Variants in DSN1 observed in about 807,000 individuals in gnomAD.
The protein encoded by DSN1 is DSN1 component of MIS12 kinetochore complex, also known as kinetochore-associated protein DSN1 homolog.
A neutral mutation model predicts 45.7 loss-of-function variants in DSN1; 31 were observed. The observed-to-expected ratio is 0.68, with a 90% confidence interval of 0.51 to 0.92. The LOEUF (loss-of-function observed/expected upper bound fraction) is 0.92. Ranked by LOEUF, DSN1 falls within the 40% of genes least tolerant of loss-of-function variation. The pLI, the probability that DSN1 is intolerant of heterozygous loss-of-function variation, is 0.00. For synonymous variants in DSN1, 134 were observed against 142.3 expected (o/e 0.94, Z 0.41); for missense variants, 394 against 414.2 (o/e 0.95, Z 0.42).
At position 36,758,543 on chromosome 20, in the gene DSN1, C is replaced by A. The variant is rs1986796435; in HGVS notation, c.650+15G>T. 6.3e-7 allele frequency: 1 copy of A among 1,590,080 alleles called. No homozygotes were observed. The highest frequency in any genetic ancestry group is 1.9e-5 in the Admixed American group (1 of 53,802). On this transcript the variant is annotated intron_variant, in intron 7 of 10. Transcript: ENST00000373750. ...GGGAGAACGAATTTAGATTTTCTAA[C>A]AAAGGTTAACTTACTTTGTTATGTA...
In DSN1 at chr20:36,766,804, G is replaced by A; in HGVS notation, c.467C>T (p.Thr156Ile). The A allele has an allele frequency of 6.2e-7, 1 of 1,609,850 alleles. No individual in the cohort carries two copies. Among genetic ancestry groups the A allele is most frequent in the Non-Finnish European group, 8.5e-7 (1 of 1,179,100 alleles). Reference sequence around the variant, plus strand: ...AAAACTTTCAAGACTGAAGCCCTTAGTGTCCCTTAGGAAAGGTTCAAGTTT... The same window carrying A: ...AAAACTTTCAAGACTGAAGCCCTTAATGTCCCTTAGGAAAGGTTCAAGTTT... ...IQKLEPFLRD[T>I]KGFSLESFRA... Residue 156 changes from threonine (T) to isoleucine (I), a missense_variant, in exon 5 of 11, where the codon ACT (threonine) becomes ATT (isoleucine). Transcript: ENST00000373750.
intron 6 of DSN1, among the ~76,000 whole-genome samples, chr20:36,760,355 C>T (rs1044648789): frequency 2.6e-5 from 4 of 152,194 alleles, no homozygotes; most frequent in Non-Finnish European, 4.4e-5. Flanking sequence ...GTTCTGGTAC[C>T]GTCCAGCTTA....
chr20:36,770,086 A>T (rs1987564950), intron 3 of DSN1, among the ~76,000 whole-genome samples: 1 of 151,920 alleles, frequency 6.6e-6, no homozygotes, highest in Non-Finnish European at 1.5e-5. Context: ...TTTTTTAGAG[A>T]CAGGGGTCTT....
intron 1 of DSN1, 76 bp from the exon 2 acceptor site, chr20:36,771,549 T>A: frequency 7.2e-7 from 1 of 1,392,690 alleles, no homozygotes; most frequent in African/African-American, 1.4e-5. Context: ...AGCCCCAGAA[T>A]AAATAGGCCG....
chr20:36,754,735 C>A, intron 10 of DSN1, 28 bp downstream of exon 10: 1 of 1,602,466 alleles, frequency 6.2e-7, no homozygotes, highest in Non-Finnish European at 8.5e-7. Context: ...ACAGCCTGAA[C>A]TCTGGTCCCC....
At chr20:36,759,108 G>A (rs768620925) in intron 6 of DSN1, among the ~76,000 whole-genome samples, 1 of 152,112 alleles carries the variant, frequency 6.6e-6, no homozygotes. Flanking sequence ...TCAGCCTCCA[G>A]AGTAGCCGGG....
intron 9 of DSN1, among the ~76,000 whole-genome samples, chr20:36,755,448 A>C (rs539607954): frequency 6.6e-6 from 1 of 152,206 alleles, no homozygotes; most frequent in East Asian, 1.9e-4. Context: ...TATATAAAAT[A>C]GCAACCCACC....
At chr20:36,759,423 A>G (rs571276844) in intron 6 of DSN1, among the ~76,000 whole-genome samples, 3 of 152,270 alleles carry the variant, frequency 2.0e-5, no homozygotes, top group East Asian at 1.9e-4. Context: ...AATCCCTTAC[A>G]TAATTTTTGT....
In DSN1 at chr20:36,762,496, A is replaced by G; in HGVS notation, c.555T>C (p.Asp185=). Residue 185 remains aspartate, a synonymous_variant, in exon 6 of 11, where the codon GAT becomes GAC. Coordinates refer to ENST00000373750, the MANE Select transcript of DSN1 (RefSeq NM_001145315.2). ...CTTCAAAACATTTTTGTAGAGTTCCATCAGTTTCCAGTCCGTCTGCAAAAT... is the reference window on the plus strand; with the variant it reads ...CTTCAAAACATTTTTGTAGAGTTCCGTCAGTTTCCAGTCCGTCTGCAAAAT... ...LKHFADGLET[D]GTLQKCFEDS... The G allele has an allele frequency of 6.2e-7, 1 of 1,613,936 alleles. No individual in the cohort carries two copies. The highest frequency in any genetic ancestry group is 8.5e-7 in the Non-Finnish European group (1 of 1,179,906).
chr20:36,760,675 G>A (rs1407434760), intron 6 of DSN1, among the ~76,000 whole-genome samples: 1 of 152,100 alleles, frequency 6.6e-6, no homozygotes, highest in African/African-American at 2.4e-5. Flanking sequence ...ATCACCTGAG[G>A]TTAGGAGTTC....
rs1443103395 is a variant in DSN1 at position 36,768,019 on chromosome 20, C to T, written c.379G>A (p.Asp127Asn). ...CCAAGCCGTTTGCTTTCTGCTAAAT[C>T]GACACTGATAGACCGGCTGAGCTCT... ...ITELSRSISVDLAESKRLGCL... is the reference protein window; with the variant it reads ...ITELSRSISVNLAESKRLGCL... The change falls in exon 4 of 11, where the codon GAT (aspartate) becomes AAT (asparagine). Residue 127 changes from aspartate to asparagine, a missense_variant. Transcript: ENST00000373750. 7.4e-6 allele frequency: 12 copies of T among 1,613,954 alleles called. No homozygotes were observed. Among genetic ancestry groups the T allele is most frequent in the South Asian group, 2.2e-5 (2 of 91,084 alleles).
chr20:36,764,752 C>G (rs2148275314), intron 5 of DSN1, among the ~76,000 whole-genome samples: 1 of 152,178 alleles, frequency 6.6e-6, no homozygotes, highest in Non-Finnish European at 1.5e-5. Context: ...GAAACCCTGT[C>G]TCTACTAGAA....
chr20:36,773,428 G>A (rs1987753629), intron 1 of DSN1: 1 of 985,470 alleles, frequency 1.0e-6, no homozygotes, highest in South Asian at 4.7e-5. Flanking sequence ...TGGCACGGCA[G>A]ATACGTCTCT....
intron 6 of DSN1, among the ~76,000 whole-genome samples, chr20:36,759,250 G>T (rs1986843359): frequency 6.6e-6 from 1 of 152,006 alleles, no homozygotes; most frequent in Admixed American, 6.6e-5. Context: ...CAAAGTGCTG[G>T]GATTACAGGC....
Position 36,771,192 on chromosome 20 carries a change from T to C in DSN1, c.36A>G (p.Glu12=), listed in dbSNP as rs779200789. The C allele has an allele frequency of 6.3e-7, 1 of 1,587,856 alleles. No individual in the cohort carries two copies. The highest frequency in any genetic ancestry group is 1.8e-5 in the Admixed American group (1 of 55,246). Reference sequence around the variant, plus strand: ...GAGTCTTAGACATCACTGGTCCTTTTTCTAGTATTTGTTATAAAAAAGTCA... The same window carrying C: ...GAGTCTTAGACATCACTGGTCCTTTCTCTAGTATTTGTTATAAAAAAGTCA... ...TSVTRSEIID[E]KGPVMSKTHD... Residue 12 remains glutamate, a splice_region_variant and synonymous_variant, in exon 3 of 11, where the codon GAA becomes GAG. Coordinates refer to ENST00000373750, the MANE Select transcript of DSN1 (RefSeq NM_001145315.2).
chr20:36,762,669 G>A, intron 5 of DSN1, 121 bp from the exon 6 acceptor site: 3 of 742,688 alleles, frequency 4.0e-6, no homozygotes, highest in Non-Finnish European at 6.2e-6. Context: ...TGGTCCTCAA[G>A]CCCACCCAAA....
chr20:36,759,544 C>T (rs376620853), intron 6 of DSN1, among the ~76,000 whole-genome samples: 3 of 152,068 alleles, frequency 2.0e-5, no homozygotes, highest in African/African-American at 7.2e-5. Context: ...AGTGCAGTGG[C>T]GCAATCTTGG....
chr20:36,767,763 G>A (rs903786458), intron 4 of DSN1, among the ~76,000 whole-genome samples: 10 of 151,902 alleles, frequency 6.6e-5, no homozygotes, highest in South Asian at 2.1e-4. Flanking sequence ...TTAGCGGGGC[G>A]TGGTGGCATG....
chr20:36,767,594 C>T (rs756382184), intron 4 of DSN1, among the ~76,000 whole-genome samples: 9 of 151,900 alleles, frequency 5.9e-5, no homozygotes, highest in Non-Finnish European at 1.0e-4. Flanking sequence ...GGTGAAACCC[C>T]GTCTCAACTA....
Sources: allele counts gnomAD v4.1 joint callset (sites outside exome capture counted in the v4.1 genomes callset), GRCh38; gene constraint gnomAD v4.1.1; transcripts MANE v1.5; gene names NCBI Gene and HGNC (gene_info 2026-07-23, HGNC 2026-07-21).